The following LINC00305 variants were observed in gnomAD, a reference collection of about 807,000 sequenced individuals.
The protein encoded by LINC00305 is long independently transcribed non-coding RNA 305.
At position 64,138,719 on chromosome 18, in the gene LINC00305, T is replaced by C. The variant is rs116445167; in HGVS notation, n.314+10056A>G. ...GGGTTTGGTGCTTTTGTGGTTATTT[T>C]CTAACCCTTGGCCATGGCATACTTA... On this transcript the variant is annotated intron_variant and non_coding_transcript_variant, in intron 1 of 3. Coordinates refer to ENST00000666468, the Ensembl canonical transcript of LINC00305. 3.7e-3 allele frequency among the ~76,000 whole-genome samples: 569 copies of C among 152,322 alleles called. 7 individuals are homozygous for C. The highest frequency in any genetic ancestry group is 0.013 in the African/African-American group (524 of 41,576).
intron 3 of LINC00305, among the ~76,000 whole-genome samples, chr18:64,084,695 G>A (rs10503085): frequency 2.0e-5 from 3 of 152,198 alleles, no homozygotes; most frequent in Non-Finnish European, 2.9e-5. Context: ...TGCAGGGTTC[G>A]TGCATCCAAA....
chr18:64,102,763 AAG>A (rs780036715), intron 1 of LINC00305, among the ~76,000 whole-genome samples: 38 of 152,286 alleles, frequency 2.5e-4, no homozygotes, highest in Non-Finnish European at 3.7e-4. Flanking sequence ...GAGCAGGAGA[AAG>A]AGAGAGAGTG....
At chr18:64,080,835 T>C (rs2051182209) in intron 3 of LINC00305, among the ~76,000 whole-genome samples, 1 of 152,190 alleles carries the variant, frequency 6.6e-6, no homozygotes, top group South Asian at 2.1e-4. Flanking sequence ...CAATATTTTT[T>C]ATTGGTAAGT....
At chr18:64,126,921 T>C (rs1178464249) in intron 1 of LINC00305, among the ~76,000 whole-genome samples, 1 of 152,166 alleles carries the variant, frequency 6.6e-6, no homozygotes, top group African/African-American at 2.4e-5. Context: ...GGAAAATATT[T>C]CAGACATTAA....
At chr18:64,139,743 G>A (rs2051452452) in intron 1 of LINC00305, among the ~76,000 whole-genome samples, 1 of 152,054 alleles carries the variant, frequency 6.6e-6, no homozygotes, top group East Asian at 1.9e-4. Flanking sequence ...GGATGGATGG[G>A]TGCAGGATGG....
intron 1 of LINC00305, among the ~76,000 whole-genome samples, chr18:64,141,172 A>C (rs561308529): frequency 1.3e-5 from 2 of 151,972 alleles, no homozygotes; most frequent in South Asian, 2.1e-4. Context: ...TGAGCCCACC[A>C]CACCTTTAAC....
intron 1 of LINC00305, among the ~76,000 whole-genome samples, chr18:64,115,254 C>T (rs918727374): frequency 9.2e-5 from 14 of 152,162 alleles, no homozygotes; most frequent in African/African-American, 1.7e-4. Flanking sequence ...ACTGTACATA[C>T]GCAGGCATCT....
At chr18:64,089,711 T>G (rs1175174654) in intron 3 of LINC00305, among the ~76,000 whole-genome samples, 1 of 152,158 alleles carries the variant, frequency 6.6e-6, no homozygotes, top group East Asian at 1.9e-4. Context: ...GACTTACAGT[T>G]CCATGTGGCT....
At chr18:64,120,007 A>C (rs1160456158) in intron 1 of LINC00305, among the ~76,000 whole-genome samples, 2 of 152,142 alleles carry the variant, frequency 1.3e-5, no homozygotes, top group Non-Finnish European at 2.9e-5. Context: ...AAAAAAAACA[A>C]AATAAGCTTT....
At chr18:64,100,019 T>C (rs1295687655) in intron 1 of LINC00305, among the ~76,000 whole-genome samples, 1 of 152,222 alleles carries the variant, frequency 6.6e-6, no homozygotes, top group East Asian at 1.9e-4. Flanking sequence ...TAGCAGTCTC[T>C]ATTTATAATG....
intron 1 of LINC00305, among the ~76,000 whole-genome samples, chr18:64,103,788 T>C (rs1244326859): frequency 1.3e-5 from 2 of 152,178 alleles, no homozygotes; most frequent in East Asian, 1.9e-4. Flanking sequence ...GACCATGCTG[T>C]GTTTATCTAT....
chr18:64,119,903 G>A (rs964276943), intron 1 of LINC00305, among the ~76,000 whole-genome samples: 7 of 152,054 alleles, frequency 4.6e-5, no homozygotes, highest in Non-Finnish European at 7.4e-5. Flanking sequence ...TTCTCATGCA[G>A]TCTGTTAGAT....
intron 1 of LINC00305, among the ~76,000 whole-genome samples, chr18:64,118,323 TC>T (rs2144256396): frequency 6.6e-6 from 1 of 152,312 alleles, no homozygotes; most frequent in South Asian, 2.1e-4. Context: ...ATACATACAG[TC>T]TACGAAGGCA....
At chr18:64,135,438 A>G (rs2051428513) in intron 1 of LINC00305, among the ~76,000 whole-genome samples, 1 of 152,088 alleles carries the variant, frequency 6.6e-6, no homozygotes, top group Non-Finnish European at 1.5e-5. Context: ...GTTTTTAGGG[A>G]CAGAAACACA....
intron 1 of LINC00305, among the ~76,000 whole-genome samples, chr18:64,099,861 A>T (rs2144239005): frequency 6.6e-6 from 1 of 152,314 alleles, no homozygotes; most frequent in East Asian, 1.9e-4. Context: ...CGGCACAAAA[A>T]ATGGTGTGTT....
At chr18:64,098,027 G>A in intron 2 of LINC00305, 1 of 457,190 alleles carries the variant, frequency 2.2e-6, no homozygotes, top group Non-Finnish European at 4.4e-6. Context: ...TGGAGAGCAA[G>A]GTGGCAACAA....
chr18:64,103,519 G>A lies in LINC00305; in HGVS notation n.315-4879C>T, dbSNP rs766069166. ...ACTAAACTGGGTCTAAAATGTGTTT[G>A]ATTTTGATTTCATATTCTGTCCAAG... is the stretch of plus-strand genomic sequence containing the variant. On this transcript the variant is annotated intron_variant and non_coding_transcript_variant, in intron 1 of 3. Transcript: ENST00000666468. 8.4e-4 allele frequency among the ~76,000 whole-genome samples: 128 copies of A among 152,096 alleles called. 3 individuals are homozygous for A. The highest frequency in any genetic ancestry group is 3.2e-3 in the Middle Eastern group (1 of 316).
intron 1 of LINC00305, among the ~76,000 whole-genome samples, chr18:64,122,257 T>C (rs2051365142): frequency 6.6e-6 from 1 of 152,048 alleles, no homozygotes; most frequent in Admixed American, 6.6e-5. Flanking sequence ...ATTCTTTACC[T>C]AGACCAATGT....
At chr18:64,106,702 G>A (rs115691808) in intron 1 of LINC00305, among the ~76,000 whole-genome samples, 45 of 152,174 alleles carry the variant, frequency 3.0e-4, no homozygotes, top group African/African-American at 1.0e-3. Context: ...GAGAACACAC[G>A]GACCCAAGTA....
Sources: gnomAD v4.1 joint callset for allele counts (sites outside exome capture counted in the v4.1 genomes callset) on GRCh38, gnomAD v4.1.1 for gene constraint, MANE v1.5 for transcripts, NCBI Gene and HGNC (gene_info 2026-07-23, HGNC 2026-07-21) for gene names.